Variants in CNTN5 observed in about 807,000 individuals in gnomAD.
CNTN5 encodes contactin 5.
CNTN5 carries 77 observed loss-of-function variants against 129.1 expected under a neutral mutation model. That is an observed-to-expected ratio of 0.60 (90% CI 0.50 to 0.72). CNTN5 has a LOEUF of 0.72. CNTN5 is among the 30% of genes least tolerant of loss of function. The probability of loss-of-function intolerance (pLI) is 0.00; values close to 1 mark genes in which losing one functional copy is unlikely to be tolerated. For synonymous variants in CNTN5, 509 were observed against 465.6 expected (o/e 1.09, Z -1.20); for missense variants, 1,478 against 1,328.8 (o/e 1.11, Z -1.75).
chr11:99,338,919 GATATATATAT>G (rs10534485), intron 2 of CNTN5, among the ~76,000 whole-genome samples: 36 of 126,976 alleles, frequency 2.8e-4, no homozygotes, highest in African/African-American at 4.7e-4. Context: ...TTCATTCACA[GATATATATAT>G]ATATATATAT....
At chr11:99,743,593 C>A (rs1025589067) in intron 3 of CNTN5, among the ~76,000 whole-genome samples, 1 of 152,146 alleles carries the variant, frequency 6.6e-6, no homozygotes, top group African/African-American at 2.4e-5. Flanking sequence ...GTGTTTCTTA[C>A]ACCATCATAC....
intron 3 of CNTN5, among the ~76,000 whole-genome samples, chr11:99,758,173 C>A (rs1944463808): frequency 1.3e-5 from 2 of 152,060 alleles, no homozygotes; most frequent in African/African-American, 2.4e-5. Flanking sequence ...AAAACACTGT[C>A]CTCAAGGTTG....
chr11:99,561,646 CA>C (rs1948846607), intron 3 of CNTN5, among the ~76,000 whole-genome samples: 2 of 152,212 alleles, frequency 1.3e-5, no homozygotes, highest in Admixed American at 6.5e-5. Flanking sequence ...AGAGATAAGT[CA>C]TGTTGATGAT....
intron 9 of CNTN5, among the ~76,000 whole-genome samples, chr11:100,047,725 A>C (rs989512410): frequency 6.6e-6 from 1 of 152,178 alleles, no homozygotes; most frequent in East Asian, 1.9e-4. Flanking sequence ...TCTCTGTGAC[A>C]GTGTTTCTAG....
At chr11:99,450,236 G>T (rs1444515302) in intron 2 of CNTN5, among the ~76,000 whole-genome samples, 2 of 147,006 alleles carry the variant, frequency 1.4e-5, no homozygotes, top group Admixed American at 6.9e-5. Flanking sequence ...TCACTATTTG[G>T]CAAAAAGTAT....
chr11:99,662,124 A>G (rs774158064), intron 3 of CNTN5, among the ~76,000 whole-genome samples: 14 of 152,190 alleles, frequency 9.2e-5, no homozygotes, highest in Non-Finnish European at 8.8e-5. Flanking sequence ...ATAATTTTCT[A>G]CTAACGGGGT....
At chr11:100,035,627 C>G (rs1407293051) in intron 9 of CNTN5, among the ~76,000 whole-genome samples, 1 of 142,188 alleles carries the variant, frequency 7.0e-6, no homozygotes, top group African/African-American at 2.7e-5. Context: ...TCCTCTCCAG[C>G]ACCTGTTGTT....
intron 3 of CNTN5, among the ~76,000 whole-genome samples, chr11:99,646,490 A>T (rs1951966899): frequency 6.6e-6 from 1 of 152,158 alleles, no homozygotes; most frequent in African/African-American, 2.4e-5. Context: ...AAGATGGAAA[A>T]ACTCAAGGCA....
intron 13 of CNTN5, among the ~76,000 whole-genome samples, chr11:100,082,377 G>C (rs932116330): frequency 2.0e-4 from 30 of 152,112 alleles, no homozygotes; most frequent in African/African-American, 7.0e-4. Context: ...GACCTTCCAG[G>C]GTCAAGCATT....
intron 9 of CNTN5, among the ~76,000 whole-genome samples, chr11:100,011,748 T>TCC (rs1210451054): frequency 4.6e-5 from 7 of 152,150 alleles, no homozygotes; most frequent in African/African-American, 1.7e-4. Context: ...TTTATATGTT[T>TCC]ACTGTAAATA....
chr11:99,815,031 A>G (rs1236954127), intron 3 of CNTN5, among the ~76,000 whole-genome samples: 1 of 141,270 alleles, frequency 7.1e-6, no homozygotes, highest in African/African-American at 2.5e-5. Context: ...CAAGAACAGC[A>G]CGGGGGAAAC....
chr11:100,282,863 C>T (rs1950669706), intron 18 of CNTN5, among the ~76,000 whole-genome samples: 1 of 152,248 alleles, frequency 6.6e-6, no homozygotes, highest in African/African-American at 2.4e-5. Context: ...CACGTGGCCA[C>T]TGCCACCACA....
At chr11:99,657,067 G>GAAAAAAAAAAAAA (rs35174748) in intron 3 of CNTN5, among the ~76,000 whole-genome samples, 1 of 140,884 alleles carries the variant, frequency 7.1e-6, no homozygotes, top group Non-Finnish European at 1.5e-5. Flanking sequence ...CAAAAAATAA[G>GAAAAAAAAAAAAA]AAAAAAAAAA....
chr11:99,885,480 T>C (rs948920790), intron 6 of CNTN5, among the ~76,000 whole-genome samples: 1 of 152,076 alleles, frequency 6.6e-6, no homozygotes. Flanking sequence ...AAAAATAATC[T>C]GTCAAAAATG....
intron 2 of CNTN5, among the ~76,000 whole-genome samples, chr11:99,371,249 A>G (rs935069532): frequency 3.9e-5 from 6 of 152,124 alleles, no homozygotes; most frequent in Non-Finnish European, 5.9e-5. Context: ...AATTATATCC[A>G]TTTTTAATGT....
chr11:99,708,537 C>T (rs1025670698), intron 3 of CNTN5, among the ~76,000 whole-genome samples: 9 of 151,704 alleles, frequency 5.9e-5, no homozygotes, highest in African/African-American at 2.2e-4. Flanking sequence ...TAATAAGATA[C>T]TTTCAAAACT....
rs185414820 is a variant in CNTN5 at position 99,994,715 on chromosome 11, G to C, written c.878-7319G>C. On this transcript the variant is annotated intron_variant, in intron 8 of 24. Coordinates refer to ENST00000524871, the MANE Select transcript of CNTN5 (RefSeq NM_014361.4). ...AAATCGGAAATTAAGTTTGAGGACT[G>C]CTTCACAAGAGCATTCATAGGTAGC... Among the ~76,000 whole-genome samples the C allele has an allele frequency of 1.2e-3, 179 of 152,336 alleles. 2 individuals are homozygous for C. Among genetic ancestry groups the C allele is most frequent in the African/African-American group, 4.1e-3 (170 of 41,584 alleles).
At chr11:99,597,066 A>G (rs1033417461) in intron 3 of CNTN5, among the ~76,000 whole-genome samples, 1 of 152,124 alleles carries the variant, frequency 6.6e-6, no homozygotes, top group Non-Finnish European at 1.5e-5. Context: ...TCATTTTCAG[A>G]TCTCAACTTC....
intron 3 of CNTN5, among the ~76,000 whole-genome samples, chr11:99,783,893 T>C (rs10082631): frequency 0.64 from 96,057 of 150,604 alleles, 30,824 homozygotes; most frequent in East Asian, 0.71. Context: ...GTGGGTGCAG[T>C]GCACCAGCAT....
Sources: allele counts gnomAD v4.1 joint callset (sites outside exome capture counted in the v4.1 genomes callset), GRCh38; gene constraint gnomAD v4.1.1; transcripts MANE v1.5; gene names NCBI Gene and HGNC (gene_info 2026-07-23, HGNC 2026-07-21).